The following SHPK variants were observed in gnomAD, a reference collection of about 807,000 sequenced individuals.
SHPK encodes carbohydrate kinase-like protein.
Under a neutral mutation model 46.3 loss-of-function variants are expected in SHPK, and 51 were observed. That is an observed-to-expected ratio of 1.10 (90% CI 0.88 to 1.39). The LOEUF is 1.39. Among genes scored for constraint, SHPK ranks in the 40% most tolerant of loss-of-function variants. The pLI is 0.00. For synonymous variants in SHPK, 290 were observed against 273.9 expected (o/e 1.06, Z -0.58); for missense variants, 668 against 641.3 (o/e 1.04, Z -0.45).
intron 5 of SHPK, among the ~76,000 whole-genome samples, chr17:3,618,577 C>G (rs907823294): frequency 5.9e-5 from 9 of 151,858 alleles, no homozygotes; most frequent in African/African-American, 2.2e-4. Context: ...GTCAAGAGAT[C>G]GAGACCATCC....
intron 6 of SHPK, 113 bp downstream of exon 6, chr17:3,615,224 C>G (rs1405425974): frequency 1.0e-6 from 1 of 1,003,252 alleles, no homozygotes; most frequent in Non-Finnish European, 1.5e-6. Context: ...CTGGCAGGGT[C>G]TGAGACCTCA....
intron 2 of SHPK, 38 bp from the exon 3 acceptor site, chr17:3,624,269 C>G (rs1278272064): frequency 1.3e-5 from 20 of 1,557,726 alleles, no homozygotes; most frequent in Non-Finnish European, 1.6e-5. Flanking sequence ...AAGAAAAGAG[C>G]AAATGACTAG....
rs2075332855 is a variant in SHPK at position 3,610,704 on chromosome 17, C to T, written c.1293G>A (p.Gly431=). 3 of 1,614,162 alleles carry T rather than the reference C, an allele frequency of 1.9e-6. No individual in the cohort carries two copies. The highest frequency in any genetic ancestry group is 2.5e-6 in the Non-Finnish European group (3 of 1,180,028). The change falls in exon 7 of 7, where the codon GGG becomes GGA. Residue 431 remains glycine, a synonymous_variant. Coordinates refer to ENST00000225519, the MANE Select transcript of SHPK (RefSeq NM_013276.4). ...GCACGTCATTCCTGGACAGCGCACT[C>T]CCACTGCCCATCACCCTCTCCACGC... The part of the protein sequence containing the change: ...EWGVERVMGS[G]SALSRNDVLK...
At chr17:3,619,492 TG>T in intron 5 of SHPK, 1 of 855,362 alleles carries the variant, frequency 1.2e-6, no homozygotes, top group Non-Finnish European at 1.9e-6. Flanking sequence ...CCCAGCACTT[TG>T]GGAGGCCAAG....
chr17:3,612,586 G>C (rs2075346505), intron 6 of SHPK, among the ~76,000 whole-genome samples: 1 of 152,108 alleles, frequency 6.6e-6, no homozygotes, highest in East Asian at 1.9e-4. Context: ...CCCATCTCCA[G>C]ACTTTCTGAT....
At chr17:3,611,951 ACAC>A (rs1298613284) in intron 6 of SHPK, among the ~76,000 whole-genome samples, 2 of 151,466 alleles carry the variant, frequency 1.3e-5, no homozygotes, top group Non-Finnish European at 2.9e-5. Context: ...TTACAGGCCC[ACAC>A]CACCACACCT....
At position 3,610,479 on chromosome 17, in the gene SHPK, G is replaced by A. The variant is rs1314929145; in HGVS notation, c.*81C>T. 12 of 1,431,364 alleles carry A rather than the reference G, an allele frequency of 8.4e-6. No individual in the cohort carries two copies. The highest frequency in any genetic ancestry group is 1.8e-4 in the Middle Eastern group (1 of 5,526). The allele number at this position is 1,431,364 out of a possible 1,614,324, so 88.7% of individuals were successfully genotyped here. On this transcript the variant is annotated 3_prime_UTR_variant, in exon 7 of 7. Transcript: ENST00000225519. Reference sequence around the variant, plus strand: ...GAAAGCTGTCCACTGAACGGTCCAGGGAAAGGATGACCCACAGATGGTGTC... The same window carrying A: ...GAAAGCTGTCCACTGAACGGTCCAGAGAAAGGATGACCCACAGATGGTGTC...
chr17:3,623,981 C>G (rs1403067421), intron 3 of SHPK, 67 bp downstream of exon 3: 1 of 1,460,976 alleles, frequency 6.8e-7, no homozygotes, highest in Non-Finnish European at 9.4e-7. Flanking sequence ...GTGATGCTGA[C>G]GCAGCCCCGG....
At position 3,610,863 on chromosome 17, in the gene SHPK, C is replaced by A. The variant is rs755334595; in HGVS notation, c.1134G>T (p.Leu378=). 4.9e-5 allele frequency: 79 copies of A among 1,613,954 alleles called. No individual in the cohort carries two copies. Among genetic ancestry groups the A allele is most frequent in the Non-Finnish European group, 6.3e-5 (74 of 1,180,024 alleles). Residue 378 remains leucine (L), a synonymous_variant, in exon 7 of 7, where the codon CTG becomes CTT. Transcript: ENST00000225519. ...TGGTCACTGAGGCCAGCTGGTCCGG[C>A]AGGTGCCTCTCCCCCAGCACTGTCG... ...ITPTVLGERH[L]PDQLASVTRI...
In SHPK at chr17:3,621,247, C is replaced by T. The variant is rs747846492; in HGVS notation, c.813G>A (p.Arg271=). The T allele has an allele frequency of 1.6e-5, 26 of 1,612,332 alleles. No homozygotes were observed. Among genetic ancestry groups the T allele is most frequent in the Non-Finnish European group, 2.1e-5 (25 of 1,179,262 alleles). Residue 271 remains arginine (R), a synonymous_variant, in exon 5 of 7, where the codon AGG becomes AGA. Coordinates refer to ENST00000225519, the MANE Select transcript of SHPK (RefSeq NM_013276.4). ...AAAAGAAAAACTTACCTGCATCTGT[C>T]CTCTGGGCCATGCAGGAATAGACAG... ...QASVYSCMAQ[R]TDAVLNISTS... is the part of the protein sequence containing the mutation.
At chr17:3,615,571 C>G in intron 5 of SHPK, 34 bp from the exon 6 acceptor site, 1 of 1,595,072 alleles carries the variant, frequency 6.3e-7, no homozygotes, top group Non-Finnish European at 8.6e-7. Flanking sequence ...TTAGGCCTGT[C>G]GGGCTAACTC....
In SHPK at chr17:3,615,370, C is replaced by G; in HGVS notation, c.991G>C (p.Val331Leu). 1 of 1,614,160 alleles carries G rather than the reference C, an allele frequency of 6.2e-7. No individual in the cohort carries two copies. Among genetic ancestry groups the G allele is most frequent in the Non-Finnish European group, 8.5e-7 (1 of 1,180,010 alleles). Residue 331 changes from valine to leucine, a missense_variant, in exon 6 of 7, where the codon GTC (valine) becomes CTC (leucine). Transcript: ENST00000225519. ...LNGGNVLATFVHMLVQWMADL... is the reference protein window; with the variant it reads ...LNGGNVLATFLHMLVQWMADL... ...GCCATCCACTGAACCAGCATGTGGA[C>G]GAACGTGGCCAGCACATTGCCCCCG... is the stretch of plus-strand genomic sequence containing the variant.
chr17:3,621,503 C>T, intron 4 of SHPK, 91 bp from the exon 5 acceptor site: 1 of 1,206,532 alleles, frequency 8.3e-7, no homozygotes, highest in Non-Finnish European at 1.2e-6. Context: ...TCCTTCTCTC[C>T]ATTCCTCCCT....
chr17:3,635,198 G>GAAGGAAGAAAGA (rs879889476), intron 1 of SHPK, among the ~76,000 whole-genome samples: 1 of 106,206 alleles, frequency 9.4e-6, no homozygotes, highest in Non-Finnish European at 2.0e-5. Flanking sequence ...AAGAATGAAG[G>GAAGGAAGAAAGA]AAGGAAGGAA....
At chr17:3,635,066 G>A (rs376014758) in intron 1 of SHPK, among the ~76,000 whole-genome samples, 1 of 151,884 alleles carries the variant, frequency 6.6e-6, no homozygotes, top group South Asian at 2.1e-4. Flanking sequence ...CAGCTACTCG[G>A]GAGGCTGAAG....
chr17:3,633,243 A>G (rs976165145), intron 1 of SHPK, among the ~76,000 whole-genome samples: 1 of 151,894 alleles, frequency 6.6e-6, no homozygotes. Context: ...CGCCTCCCAA[A>G]GTGCTGGGAT....
intron 2 of SHPK, 94 bp from the exon 3 acceptor site, chr17:3,624,325 T>C (rs1315772943): frequency 4.2e-6 from 5 of 1,177,950 alleles, no homozygotes; most frequent in Non-Finnish European, 4.8e-6. Context: ...TGACAAAATA[T>C]GTGCGAATCG....
intron 6 of SHPK, among the ~76,000 whole-genome samples, chr17:3,611,225 C>T (rs2075337917): frequency 6.6e-6 from 1 of 152,014 alleles, no homozygotes. Flanking sequence ...ATGAGCCCTA[C>T]CCCTAACACA....
intron 4 of SHPK, among the ~76,000 whole-genome samples, chr17:3,622,898 T>C (rs1187978529): frequency 5.3e-5 from 8 of 152,016 alleles, no homozygotes; most frequent in Middle Eastern, 3.4e-3. Context: ...AGAGATGGGG[T>C]TTCGCCATGT....
Sources: gnomAD v4.1 joint callset for allele counts (sites outside exome capture counted in the v4.1 genomes callset) on GRCh38, gnomAD v4.1.1 for gene constraint, MANE v1.5 for transcripts, NCBI Gene and HGNC (gene_info 2026-07-23, HGNC 2026-07-21) for gene names.